The following PEX5L variants were observed in gnomAD, a reference collection of about 807,000 sequenced individuals.
PEX5L encodes the protein PEX5-related protein.
Under a neutral mutation model 84.0 loss-of-function variants are expected in PEX5L, and 30 were observed. The ratio of observed to expected loss-of-function variants is 0.36; its 90% CI spans 0.27 to 0.48. PEX5L has a LOEUF of 0.48. PEX5L is among the 20% of genes least tolerant of loss of function. The probability of loss-of-function intolerance (pLI) is 0.99; values close to 1 mark genes in which losing one functional copy is unlikely to be tolerated. For missense variants in PEX5L, 533 were observed against 754.6 expected, an observed-to-expected ratio of 0.71 and a Z score of 3.44; for synonymous variants, 270 against 283.1, an observed-to-expected ratio of 0.95 and a Z score of 0.46.
In PEX5L at chr3:179,960,046, A is replaced by AT. The variant is rs761046243; in HGVS notation, c.93+11547dup. ...CAAGAGCAGGCTTTATGTTTTGCTT[A>AT]TTTTTTTTCTCATTTCTCCCTTATA... On this transcript the variant is annotated intron_variant, in intron 2 of 14. Transcript: ENST00000467460. Among the ~76,000 whole-genome samples, 21 of 151,798 alleles carry AT rather than the reference A, an allele frequency of 1.4e-4. No individual in the cohort carries two copies. The South Asian group carries it at 3.1e-3, about 23-fold the overall frequency.
At chr3:180,025,483 T>C (rs1401273144) in intron 1 of PEX5L, among the ~76,000 whole-genome samples, 2 of 152,226 alleles carry the variant, frequency 1.3e-5, no homozygotes, top group Admixed American at 6.5e-5. Context: ...AAGCTATATG[T>C]TAATTATGGT....
At chr3:179,937,972 G>A (rs9850985) in intron 2 of PEX5L, among the ~76,000 whole-genome samples, 3,394 of 151,838 alleles carry the variant, frequency 0.022, 136 homozygotes, top group African/African-American at 0.078. Flanking sequence ...TACTTCCAGC[G>A]CTTCCATCGA....
chr3:179,947,710 C>T (rs375161443), intron 2 of PEX5L, among the ~76,000 whole-genome samples: 101 of 139,372 alleles, frequency 7.2e-4, no homozygotes, highest in Admixed American at 2.1e-3. Flanking sequence ...AAAAAAGTTA[C>T]TTTTTTTTTT....
chr3:179,992,959 T>C (rs1205164339), intron 1 of PEX5L, among the ~76,000 whole-genome samples: 1 of 152,134 alleles, frequency 6.6e-6, no homozygotes, highest in Admixed American at 6.5e-5. Flanking sequence ...ACTTAGTTTT[T>C]AGGTGATGAA....
At chr3:180,029,817 T>C (rs998683765) in intron 1 of PEX5L, among the ~76,000 whole-genome samples, 50 of 151,986 alleles carry the variant, frequency 3.3e-4, no homozygotes, top group Admixed American at 3.1e-3. Context: ...TAAGCTCCCA[T>C]GTATCTCATG....
At chr3:179,959,399 T>G (rs1781461124) in intron 2 of PEX5L, among the ~76,000 whole-genome samples, 1 of 152,214 alleles carries the variant, frequency 6.6e-6, no homozygotes, top group Non-Finnish European at 1.5e-5. Context: ...GCACTGTAAC[T>G]GTCTGTTGAC....
At chr3:179,817,216 A>T (rs1469700770) in intron 9 of PEX5L, among the ~76,000 whole-genome samples, 5 of 152,166 alleles carry the variant, frequency 3.3e-5, no homozygotes, top group African/African-American at 1.2e-4. Context: ...TTTTTTTTTA[A>T]TTGTAAAAAT....
rs1718994409 is a variant in PEX5L at position 179,801,943 on chromosome 3, T to G, written c.1766A>C (p.Asn589Thr). The change falls in exon 15 of 15, where the codon AAT becomes ACT. Residue 589 changes from asparagine to threonine, a missense_variant. Asn to Thr is a moderately conservative substitution (Grantham distance 65, BLOSUM62 0). Around this residue, in one of 8 missense-constraint regions of PEX5L, gnomAD observed 105 missense variants for 204.6 expected, o/e 0.51. Transcript: ENST00000467460. ...CGCAATTCTGAGGGCAGCCCAGATA[T>G]TCCCAGAGATTGCAGGATGAGGAAC... ...QQVPHPAISG[N>T]IWAALRIALS... 2 of 1,613,732 alleles carry G rather than the reference T, an allele frequency of 1.2e-6. No homozygotes were observed. Among genetic ancestry groups the G allele is most frequent in the Non-Finnish European group, 1.7e-6 (2 of 1,179,776 alleles).
At chr3:179,819,024 T>A (rs1727388055) in intron 9 of PEX5L, among the ~76,000 whole-genome samples, 1 of 146,762 alleles carries the variant, frequency 6.8e-6, no homozygotes, top group African/African-American at 2.6e-5. Context: ...ACTGTAGAAC[T>A]ACAGTTCTTT....
chr3:179,821,548 A>G (rs28633078), intron 8 of PEX5L, among the ~76,000 whole-genome samples: 1,916 of 152,330 alleles, frequency 0.013, 35 homozygotes, highest in African/African-American at 0.036. Flanking sequence ...GCTACTAAAT[A>G]GTAGCTCTTG....
At chr3:179,812,950 C>A (rs1724470608) in intron 10 of PEX5L, among the ~76,000 whole-genome samples, 1 of 152,022 alleles carries the variant, frequency 6.6e-6, no homozygotes, top group African/African-American at 2.4e-5. Context: ...GCACAGTTAT[C>A]TTAAAGTGCC....
intron 5 of PEX5L, among the ~76,000 whole-genome samples, chr3:179,878,040 C>A (rs893824908): frequency 4.6e-5 from 7 of 152,182 alleles, no homozygotes; most frequent in African/African-American, 1.7e-4. Flanking sequence ...TACAAATCTC[C>A]ATTTCCTACT....
chr3:179,808,898 C>A (rs1028848106), intron 12 of PEX5L, among the ~76,000 whole-genome samples: 2 of 151,324 alleles, frequency 1.3e-5, no homozygotes, highest in African/African-American at 2.4e-5. Context: ...TAAGGTGAAA[C>A]CCCGTCTCTA....
intron 2 of PEX5L, among the ~76,000 whole-genome samples, chr3:179,948,433 T>A (rs1018791559): frequency 5.3e-5 from 8 of 152,138 alleles, no homozygotes; most frequent in African/African-American, 1.9e-4. Flanking sequence ...GTCAGCAAGA[T>A]GAGAAATTAT....
chr3:180,009,239 G>A (rs1172902024), intron 1 of PEX5L, among the ~76,000 whole-genome samples: 2 of 152,172 alleles, frequency 1.3e-5, no homozygotes, highest in South Asian at 2.1e-4. Context: ...AGGGTTGCTT[G>A]TAGGGGTTGT....
At chr3:180,030,983 T>G (rs1420978973) in intron 1 of PEX5L, among the ~76,000 whole-genome samples, 1 of 151,990 alleles carries the variant, frequency 6.6e-6, no homozygotes, top group Non-Finnish European at 1.5e-5. Context: ...AGCTCATTAT[T>G]TTTCATCTGT....
In PEX5L at chr3:179,966,118, C is replaced by G. The variant is rs146366020; in HGVS notation, c.93+5476G>C. Among the ~76,000 whole-genome samples the G allele has an allele frequency of 1.8e-3, 275 of 152,278 alleles. 1 individual carries two copies. Among genetic ancestry groups the G allele is most frequent in the African/African-American group, 6.2e-3 (258 of 41,558 alleles). On this transcript the variant is annotated intron_variant, in intron 2 of 14. Coordinates refer to ENST00000467460, the MANE Select transcript of PEX5L (RefSeq NM_016559.3). ...ATTCAATTATTTTTCATCGATCAATCTTTCCTGAGGAAAACACTAATGAGC... is the reference window on the plus strand; with the variant it reads ...ATTCAATTATTTTTCATCGATCAATGTTTCCTGAGGAAAACACTAATGAGC...
intron 8 of PEX5L, among the ~76,000 whole-genome samples, chr3:179,846,486 C>T (rs1447452049): frequency 1.3e-5 from 2 of 152,180 alleles, no homozygotes; most frequent in Non-Finnish European, 2.9e-5. Flanking sequence ...TCATCACCCC[C>T]ACCACCTCCC....
At chr3:180,015,886 ATATAT>A (rs1160139497) in intron 1 of PEX5L, among the ~76,000 whole-genome samples, 1 of 139,574 alleles carries the variant, frequency 7.2e-6, no homozygotes, top group East Asian at 2.0e-4. Flanking sequence ...ATAATATTTA[ATATAT>A]TATATATAAT....
Sources: gnomAD v4.1 joint callset for allele counts (sites outside exome capture counted in the v4.1 genomes callset) on GRCh38, gnomAD v4.1.1 for gene constraint, gnomAD v4.1.1 regional missense constraint, MANE v1.5 for transcripts, NCBI Gene and HGNC (gene_info 2026-07-23, HGNC 2026-07-21) for gene names.